The following MTUS2 variants were observed in gnomAD, a reference collection of about 807,000 sequenced individuals.
MTUS2 encodes microtubule-associated tumor suppressor candidate 2.
A neutral mutation model predicts 114.1 loss-of-function variants in MTUS2; 40 were observed. The ratio of observed to expected loss-of-function variants is 0.35; its 90% CI spans 0.27 to 0.46. The LOEUF is 0.46. MTUS2 is among the 20% of genes least tolerant of loss of function. The probability of loss-of-function intolerance (pLI) is 1.00; values close to 1 mark genes in which losing one functional copy is unlikely to be tolerated. For synonymous variants in MTUS2, 688 were observed against 672.0 expected (o/e 1.02, Z -0.37); for missense variants, 1,679 against 1,705.4 (o/e 0.98, Z 0.27).
chr13:29,494,258 A>G (rs1035491971), intron 12 of MTUS2, among the ~76,000 whole-genome samples: 1 of 152,222 alleles, frequency 6.6e-6, no homozygotes, highest in African/African-American at 2.4e-5. Flanking sequence ...TGTAATAATA[A>G]CAAGCATTGT....
At chr13:29,222,594 G>T (rs959027317) in intron 5 of MTUS2, among the ~76,000 whole-genome samples, 1 of 151,468 alleles carries the variant, frequency 6.6e-6, no homozygotes, top group Non-Finnish European at 1.5e-5. Flanking sequence ...TGGGAGAGGC[G>T]TAGCTGGGGC....
intron 5 of MTUS2, among the ~76,000 whole-genome samples, chr13:29,160,525 C>G (rs1893048092): frequency 6.6e-6 from 1 of 152,186 alleles, no homozygotes; most frequent in Admixed American, 6.5e-5. Context: ...AATCCCAGCA[C>G]TTTGGGAGGC....
chr13:28,882,743 AT>A (rs1255341075), intron 2 of MTUS2, among the ~76,000 whole-genome samples: 5 of 151,824 alleles, frequency 3.3e-5, no homozygotes, highest in Admixed American at 2.0e-4. Flanking sequence ...TCTCTAAAAA[AT>A]TTTTTTTTAA....
At chr13:29,453,918 T>A (rs1878923568) in intron 9 of MTUS2, among the ~76,000 whole-genome samples, 1 of 152,196 alleles carries the variant, frequency 6.6e-6, no homozygotes, top group African/African-American at 2.4e-5. Context: ...CATTAAGAAT[T>A]AGCCTGATTC....
chr13:29,272,801 G>A (rs1236240557), intron 5 of MTUS2, among the ~76,000 whole-genome samples: 1 of 152,138 alleles, frequency 6.6e-6, no homozygotes. Context: ...AGTTTTCTTT[G>A]TGCTGCTATA....
intron 9 of MTUS2, among the ~76,000 whole-genome samples, chr13:29,442,474 A>G (rs1877957675): frequency 6.6e-6 from 1 of 152,194 alleles, no homozygotes; most frequent in African/African-American, 2.4e-5. Flanking sequence ...TGATTGGATA[A>G]GGCTATCCTT....
chr13:29,084,364 A>T (rs1005595105), intron 4 of MTUS2, among the ~76,000 whole-genome samples: 2 of 139,512 alleles, frequency 1.4e-5, no homozygotes, highest in African/African-American at 5.5e-5. Context: ...CACCCTCCTT[A>T]AAAAAAAAAA....
intron 4 of MTUS2, among the ~76,000 whole-genome samples, chr13:29,064,292 A>G (rs1284481413): frequency 1.3e-5 from 2 of 151,584 alleles, no homozygotes; most frequent in African/African-American, 2.4e-5. Context: ...TTATGGATAG[A>G]TACAGAGTGT....
At chr13:29,304,485 G>A (rs1899349110) in intron 6 of MTUS2, among the ~76,000 whole-genome samples, 1 of 152,098 alleles carries the variant, frequency 6.6e-6, no homozygotes, top group Non-Finnish European at 1.5e-5. Context: ...AGCAGAGGTG[G>A]TAATCCTAGT....
chr13:28,826,167 C>T (rs867977240), intron 1 of MTUS2, among the ~76,000 whole-genome samples: 58 of 152,070 alleles, frequency 3.8e-4, no homozygotes, highest in African/African-American at 1.4e-3. Flanking sequence ...ACTTTTCAAG[C>T]TCTTATTAAT....
chr13:28,859,092 G>A (rs1876811344), intron 2 of MTUS2, among the ~76,000 whole-genome samples: 2 of 152,196 alleles, frequency 1.3e-5, no homozygotes, highest in Non-Finnish European at 2.9e-5. Context: ...TTACATGGGA[G>A]GCCCTGTGCA....
intron 8 of MTUS2, among the ~76,000 whole-genome samples, chr13:29,412,132 C>T (rs888664780): frequency 6.6e-6 from 1 of 152,196 alleles, no homozygotes; most frequent in Admixed American, 6.5e-5. Context: ...TGGTGGCAGA[C>T]AGTAGGAATC....
rs2139039650 is a variant in MTUS2 at position 29,504,826 on chromosome 13, G to C, written c.*1620G>C. The C allele has an allele frequency of 4.3e-6, 1 of 233,012 alleles. No individual in the cohort carries two copies. The allele number at this position is 233,012 out of a possible 1,614,324, so 14.4% of individuals were successfully genotyped here. ...TCTTTGAGCGTGCCCAAGGCGAGAA[G>C]AACCATGAGGGGGTCCTGCAGGGGC... On this transcript the variant is annotated 3_prime_UTR_variant, in exon 16 of 16. Transcript: ENST00000612955.
chr13:28,968,678 G>T (rs1054353817), intron 2 of MTUS2, among the ~76,000 whole-genome samples: 1 of 152,016 alleles, frequency 6.6e-6, no homozygotes, highest in African/African-American at 2.4e-5. Flanking sequence ...TATATGACTC[G>T]TGCCTTACAG....
At chr13:29,301,467 C>T (rs1211196535) in intron 6 of MTUS2, among the ~76,000 whole-genome samples, 1 of 152,176 alleles carries the variant, frequency 6.6e-6, no homozygotes, top group East Asian at 1.9e-4. Flanking sequence ...CCACGTTGGA[C>T]ATATTTCTTT....
chr13:29,330,867 G>A (rs983511999), intron 7 of MTUS2, among the ~76,000 whole-genome samples: 2 of 152,152 alleles, frequency 1.3e-5, no homozygotes, highest in Admixed American at 6.5e-5. Context: ...GTCAGGTAGC[G>A]TGATGCCTCC....
At chr13:29,043,962 A>G (rs1009198029) in intron 4 of MTUS2, among the ~76,000 whole-genome samples, 5 of 152,136 alleles carry the variant, frequency 3.3e-5, no homozygotes, top group African/African-American at 9.6e-5. Context: ...TCTATACTAC[A>G]TTGTTATTGA....
At chr13:29,188,303 G>A (rs1894305468) in intron 5 of MTUS2, among the ~76,000 whole-genome samples, 1 of 152,146 alleles carries the variant, frequency 6.6e-6, no homozygotes, top group African/African-American at 2.4e-5. Flanking sequence ...AGGTCCCTGG[G>A]TGAAATGATT....
At chr13:29,064,548 C>T (rs527477506) in intron 4 of MTUS2, among the ~76,000 whole-genome samples, 1 of 152,100 alleles carries the variant, frequency 6.6e-6, no homozygotes, top group East Asian at 1.9e-4. Context: ...GTAGTGTAAG[C>T]ACAAGATAAT....
Sources: allele counts gnomAD v4.1 joint callset (sites outside exome capture counted in the v4.1 genomes callset), GRCh38; gene constraint gnomAD v4.1.1; transcripts MANE v1.5; gene names NCBI Gene and HGNC (gene_info 2026-07-23, HGNC 2026-07-21).